DNAI3: variants seen among roughly 807,000 people sequenced by gnomAD.
DNAI3 encodes dynein axonemal intermediate chain 3.
Under a neutral mutation model 115.5 loss-of-function variants are expected in DNAI3, and 83 were observed. The ratio of observed to expected loss-of-function variants is 0.72; its 90% CI spans 0.60 to 0.86. The LOEUF (loss-of-function observed/expected upper bound fraction) is 0.86. Among genes scored for constraint, DNAI3 ranks in the 40% least tolerant of loss-of-function variants. The probability of loss-of-function intolerance (pLI) is 0.00; values close to 1 mark genes in which losing one functional copy is unlikely to be tolerated. For missense variants in DNAI3, 1,004 were observed against 1,075.8 expected (o/e 0.93, Z 0.93); for synonymous variants, 320 against 347.0 (o/e 0.92, Z 0.86).
At chr1:85,099,208 T>G in intron 13 of DNAI3, 1 of 977,572 alleles carries the variant, frequency 1.0e-6, no homozygotes, top group East Asian at 1.1e-4. Context: ...ATCTATAAAT[T>G]TGGAAACTGG....
At chr1:85,089,106 A>G (rs1654887193) in intron 7 of DNAI3, among the ~76,000 whole-genome samples, 1 of 152,158 alleles carries the variant, frequency 6.6e-6, no homozygotes, top group Admixed American at 6.5e-5. Flanking sequence ...CAAATACTAC[A>G]TAATATTTTG....
chr1:85,092,151 T>C (rs751331911), intron 8 of DNAI3, among the ~76,000 whole-genome samples: 3 of 152,202 alleles, frequency 2.0e-5, no homozygotes, highest in African/African-American at 4.8e-5. Flanking sequence ...AGCCTGCGAC[T>C]CTGCATTTCT....
intron 15 of DNAI3, among the ~76,000 whole-genome samples, 163 bp from the exon 16 acceptor site, chr1:85,109,885 A>G (rs1655599538): frequency 6.6e-6 from 1 of 152,086 alleles, no homozygotes; most frequent in Non-Finnish European, 1.5e-5. Flanking sequence ...GGTGCTTTCC[A>G]TGGAGGAAAG....
chr1:85,103,385 G>T (rs1364887773), intron 13 of DNAI3, among the ~76,000 whole-genome samples: 1 of 152,056 alleles, frequency 6.6e-6, no homozygotes, highest in East Asian at 1.9e-4. Context: ...TTACAAAAAG[G>T]TCAGGTCTTA....
At chr1:85,084,245 A>AGT (rs574283688) in intron 5 of DNAI3, among the ~76,000 whole-genome samples, 2,711 of 58,210 alleles carry the variant, frequency 0.047, 51 homozygotes, top group African/African-American at 0.087. Context: ...ATATATCAGC[A>AGT]GTGTGTATAT....
At chr1:85,090,376 T>A in intron 8 of DNAI3, 144 bp downstream of exon 8, 1 of 455,518 alleles carries the variant, frequency 2.2e-6, no homozygotes, top group South Asian at 5.6e-5. Context: ...ATTCTACAGA[T>A]TCTCAATATT....
intron 7 of DNAI3, among the ~76,000 whole-genome samples, chr1:85,089,321 C>T (rs1654900034): frequency 6.6e-6 from 1 of 150,996 alleles, no homozygotes; most frequent in Non-Finnish European, 1.5e-5. Flanking sequence ...CAGCCAATCA[C>T]CAGAATCCAC....
chr1:85,099,659 G>T (rs1234243909), intron 13 of DNAI3, among the ~76,000 whole-genome samples: 1 of 152,174 alleles, frequency 6.6e-6, no homozygotes, highest in Non-Finnish European at 1.5e-5. Flanking sequence ...AGCCCGCATT[G>T]CCAAGTCAAT....
At chr1:85,085,806 C>T in intron 6 of DNAI3, 25 bp from the exon 7 acceptor site, 5 of 1,411,108 alleles carry the variant, frequency 3.5e-6, no homozygotes, top group Non-Finnish European at 4.9e-6. Flanking sequence ...CATTATGTTA[C>T]CTTTACTGTT....
intron 1 of DNAI3, among the ~76,000 whole-genome samples, chr1:85,066,014 A>C (rs1281264573): frequency 2.0e-5 from 3 of 152,232 alleles, no homozygotes; most frequent in African/African-American, 7.2e-5. Flanking sequence ...TACCCAATAC[A>C]CACTTTTGTC....
intron 18 of DNAI3, among the ~76,000 whole-genome samples, chr1:85,123,558 A>G (rs1217973342): frequency 6.6e-6 from 1 of 152,172 alleles, no homozygotes; most frequent in Non-Finnish European, 1.5e-5. Flanking sequence ...AAATCTTCCC[A>G]TGTTGAGCTG....
rs765574646 is a variant in DNAI3, at chr1:85,110,086, T to C, written c.1737T>C (p.Cys579=). 6.2e-7 allele frequency: 1 copy of C among 1,612,892 alleles called. No homozygotes were observed. The highest frequency in any genetic ancestry group is 1.3e-5 in the African/African-American group (1 of 74,708). ...AGGGTGAAACAAGTTTAGACCACTG[T>C]CCAACCAAGATAAGCCTGAATGAAG... The part of the protein sequence containing the change: ...LSKGETSLDH[C]PTKISLNEDH... The change falls in exon 16 of 23, where the codon TGT becomes TGC. Residue 579 remains cysteine, a synonymous_variant. Coordinates refer to ENST00000294664, the MANE Select transcript of DNAI3 (RefSeq NM_145172.5).
At chr1:85,103,197 A>C (rs1342163536) in intron 13 of DNAI3, among the ~76,000 whole-genome samples, 1 of 152,158 alleles carries the variant, frequency 6.6e-6, no homozygotes, top group African/African-American at 2.4e-5. Context: ...AGGAGGTTAG[A>C]GAATTGAGGA....
chr1:85,096,705 G>A lies in DNAI3; in HGVS notation c.1263+685G>A, dbSNP rs12074402. 4.8e-3 allele frequency among the ~76,000 whole-genome samples: 727 copies of A among 152,006 alleles called. 7 individuals carry two copies. Among genetic ancestry groups the A allele is most frequent in the African/African-American group, 0.017 (700 of 41,474 alleles). On this transcript the variant is annotated intron_variant, in intron 11 of 22. Coordinates refer to ENST00000294664, the MANE Select transcript of DNAI3 (RefSeq NM_145172.5). ...ATTCAGTGGGTTTGACCATCAAAAG[G>A]GTATATGATTTTTGTGTGTGTGGTT...
chr1:85,120,654 G>A (rs745821340), intron 17 of DNAI3, among the ~76,000 whole-genome samples: 1 of 152,116 alleles, frequency 6.6e-6, no homozygotes, highest in African/African-American at 2.4e-5. Context: ...TCCTAAGAAC[G>A]CTGGCAAGGA....
intron 15 of DNAI3, 94 bp from the exon 16 acceptor site, chr1:85,109,954 C>A: frequency 8.3e-7 from 1 of 1,206,120 alleles, no homozygotes; most frequent in Non-Finnish European, 1.2e-6. Context: ...GGGTTTCCTT[C>A]AATATGGGAG....
chr1:85,123,810 C>A (rs1231783343), intron 18 of DNAI3, among the ~76,000 whole-genome samples: 1 of 152,172 alleles, frequency 6.6e-6, no homozygotes, highest in Non-Finnish European at 1.5e-5. Context: ...AGCTACAGTA[C>A]CTGCTATTAC....
chr1:85,093,065 C>T (rs1335067291), intron 8 of DNAI3, among the ~76,000 whole-genome samples: 1 of 151,978 alleles, frequency 6.6e-6, no homozygotes, highest in African/African-American at 2.4e-5. Context: ...GAGACAGGAC[C>T]GGGAAGGTAG....
intron 17 of DNAI3, among the ~76,000 whole-genome samples, 195 bp from the exon 18 acceptor site, chr1:85,121,556 C>G (rs1655995108): frequency 6.6e-6 from 1 of 152,222 alleles, no homozygotes; most frequent in Non-Finnish European, 1.5e-5. Flanking sequence ...ACACAACAAA[C>G]TCATTGTTTC....
Sources: gnomAD v4.1 joint callset for allele counts (sites outside exome capture counted in the v4.1 genomes callset) on GRCh38, gnomAD v4.1.1 for gene constraint, MANE v1.5 for transcripts, NCBI Gene and HGNC (gene_info 2026-07-23, HGNC 2026-07-21) for gene names.